Variants in SHISA9 observed in about 807,000 individuals in gnomAD.
SHISA9 encodes protein shisa-9.
SHISA9 carries 13 observed loss-of-function variants against 38.0 expected under a neutral mutation model. The observed-to-expected ratio is 0.34, with a 90% CI of 0.22 to 0.54. The LOEUF is 0.54. Among genes scored for constraint, SHISA9 ranks in the 20% least tolerant of loss-of-function variants. SHISA9 has a pLI of 0.91. For missense variants in SHISA9, 538 were observed against 575.8 expected, an observed-to-expected ratio of 0.93 and a Z score of 0.67; for synonymous variants, 275 against 242.0, an observed-to-expected ratio of 1.14 and a Z score of -1.27.
chr16:13,315,344 G>A, the SHISA9 span, among the ~76,000 whole-genome samples: 2 of 152,224 alleles, frequency 1.3e-5, no homozygotes, highest in Non-Finnish European at 2.9e-5. Context: ...AAAGGACGTA[G>A]CATAGTGTGT....
the SHISA9 span, among the ~76,000 whole-genome samples, chr16:13,549,126 T>C: frequency 6.6e-6 from 1 of 152,166 alleles, no homozygotes; most frequent in Non-Finnish European, 1.5e-5. Flanking sequence ...GAAAGACGAA[T>C]ACCACACAAT....
intron 2 of SHISA9, among the ~76,000 whole-genome samples, chr16:13,041,970 G>A (rs534417469): frequency 1.3e-5 from 2 of 152,214 alleles, no homozygotes; most frequent in Admixed American, 1.3e-4. Flanking sequence ...CTAATACCCG[G>A]CTTTGACTTT....
intron 2 of SHISA9, among the ~76,000 whole-genome samples, chr16:12,999,993 C>T (rs1390930547): frequency 6.6e-6 from 1 of 152,228 alleles, no homozygotes; most frequent in African/African-American, 2.4e-5. Flanking sequence ...CCTAAACAGT[C>T]TGCCATTCGT....
At chr16:13,505,744 A>T in the SHISA9 span, among the ~76,000 whole-genome samples, 1 of 152,220 alleles carries the variant, frequency 6.6e-6, no homozygotes, top group Non-Finnish European at 1.5e-5. Context: ...CATGAGGTCA[A>T]GAGGCTTCTT....
At chr16:13,243,145 A>G (rs2051447123), downstream of SHISA9, among the ~76,000 whole-genome samples, 1 of 151,974 alleles carries the variant, frequency 6.6e-6, no homozygotes, top group Admixed American at 6.6e-5. Flanking sequence ...AGGCTGAGGC[A>G]GGGAGAATGG....
chr16:12,959,367 C>T (rs769409007), intron 2 of SHISA9, among the ~76,000 whole-genome samples: 1 of 152,156 alleles, frequency 6.6e-6, no homozygotes, highest in Non-Finnish European at 1.5e-5. Flanking sequence ...ACTGAGAAAA[C>T]ATTTGCTAGG....
the SHISA9 span, among the ~76,000 whole-genome samples, chr16:13,293,830 G>A: frequency 9.2e-5 from 14 of 152,216 alleles, no homozygotes; most frequent in Non-Finnish European, 1.8e-4. Context: ...TCTAGTGGTT[G>A]TATGTGTGTC....
At chr16:13,414,903 G>C in the SHISA9 span, among the ~76,000 whole-genome samples, 1 of 152,140 alleles carries the variant, frequency 6.6e-6, no homozygotes, top group Admixed American at 6.5e-5. Context: ...AAAGTGCTGG[G>C]ATTACAGGCG....
At chr16:13,440,737 C>T in the SHISA9 span, among the ~76,000 whole-genome samples, 1 of 152,116 alleles carries the variant, frequency 6.6e-6, no homozygotes, top group Non-Finnish European at 1.5e-5. Context: ...TCCTGCCCAA[C>T]ATGGTGAAAT....
At chr16:13,341,154 T>C in the SHISA9 span, among the ~76,000 whole-genome samples, 1 of 152,194 alleles carries the variant, frequency 6.6e-6, no homozygotes, top group Non-Finnish European at 1.5e-5. Flanking sequence ...TGCTTGCCCA[T>C]TGTAGATACT....
At chr16:13,127,032 G>A (rs947802686) in intron 2 of SHISA9, among the ~76,000 whole-genome samples, 12 of 143,906 alleles carry the variant, frequency 8.3e-5, no homozygotes, top group African/African-American at 1.6e-4. Context: ...AGAGAGAGCC[G>A]AAGGAAGGAA....
At chr16:13,018,565 G>T (rs571326006) in intron 2 of SHISA9, among the ~76,000 whole-genome samples, 1 of 152,326 alleles carries the variant, frequency 6.6e-6, no homozygotes, top group Non-Finnish European at 1.5e-5. Context: ...TTGCAGTGGG[G>T]TGGAGGGAAG....
chr16:12,961,032 G>T (rs2071904632), intron 2 of SHISA9, among the ~76,000 whole-genome samples: 1 of 151,734 alleles, frequency 6.6e-6, no homozygotes, highest in East Asian at 1.9e-4. Context: ...ATGTGGGGGG[G>T]ATGATGAAAG....
intron 2 of SHISA9, among the ~76,000 whole-genome samples, chr16:13,098,565 A>G (rs2141954977): frequency 6.6e-6 from 1 of 152,314 alleles, no homozygotes. Context: ...CCCATGAGCC[A>G]CTTTCAGGCT....
chr16:13,099,821 G>A (rs1379210518), intron 2 of SHISA9, among the ~76,000 whole-genome samples: 1 of 152,212 alleles, frequency 6.6e-6, no homozygotes, highest in Non-Finnish European at 1.5e-5. Context: ...GACCCAAGAA[G>A]TAATGTGATC....
chr16:13,385,239 T>G, the SHISA9 span, among the ~76,000 whole-genome samples: 11,851 of 152,206 alleles, frequency 0.078, 643 homozygotes, highest in South Asian at 0.21. Flanking sequence ...GAAAACAGTT[T>G]GGTGTTTTTT....
intron 2 of SHISA9, among the ~76,000 whole-genome samples, chr16:12,975,261 G>A (rs1012748389): frequency 6.6e-6 from 1 of 151,976 alleles, no homozygotes; most frequent in Non-Finnish European, 1.5e-5. Flanking sequence ...GGTATTGGCT[G>A]GGCACAGTGG....
At chr16:13,000,288 A>G (rs2072507487) in intron 2 of SHISA9, among the ~76,000 whole-genome samples, 1 of 152,042 alleles carries the variant, frequency 6.6e-6, no homozygotes, top group Admixed American at 6.5e-5. Context: ...GGAGATTCCT[A>G]TGCAAGTGAT....
At chr16:13,107,531 T>C (rs2073939499) in intron 2 of SHISA9, among the ~76,000 whole-genome samples, 1 of 150,488 alleles carries the variant, frequency 6.6e-6, no homozygotes, top group Non-Finnish European at 1.5e-5. Flanking sequence ...AACTTAACTT[T>C]AGTTCTAGCA....
Sources: allele counts gnomAD v4.1 joint callset (sites outside exome capture counted in the v4.1 genomes callset), GRCh38; gene constraint gnomAD v4.1.1; transcripts MANE v1.5; gene names NCBI Gene and HGNC (gene_info 2026-07-23, HGNC 2026-07-21).